CLTCL1: variants seen among roughly 807,000 people sequenced by gnomAD.
The protein encoded by CLTCL1 is clathrin heavy chain like 1, also known as clathrin heavy chain 2.
Under a neutral mutation model 190.0 loss-of-function variants are expected in CLTCL1, and 159 were observed. The ratio of observed to expected loss-of-function variants is 0.84; its 90% CI spans 0.74 to 0.95. CLTCL1 has a LOEUF of 0.95. Among genes scored for constraint, CLTCL1 ranks in the 40% least tolerant of loss-of-function variants. The pLI, the probability that CLTCL1 is intolerant of heterozygous loss-of-function variation, is 0.00. For synonymous variants in CLTCL1, 752 were observed against 769.6 expected (o/e 0.98, Z 0.38); for missense variants, 1,878 against 2,033.4 (o/e 0.92, Z 1.47).
At chr22:19,265,373 T>G (rs1555977429) in intron 2 of CLTCL1, among the ~76,000 whole-genome samples, 1 of 152,182 alleles carries the variant, frequency 6.6e-6, no homozygotes, top group Non-Finnish European at 1.5e-5. Context: ...CAAAAAGAAA[T>G]AAAGAGCACT....
intron 13 of CLTCL1, among the ~76,000 whole-genome samples, chr22:19,224,961 G>C (rs983342011): frequency 2.6e-5 from 4 of 152,090 alleles, no homozygotes. Flanking sequence ...CACTTTTTTG[G>C]TGTGATGTCC....
intron 22 of CLTCL1, among the ~76,000 whole-genome samples, chr22:19,205,986 G>A (rs1189235437): frequency 6.6e-6 from 1 of 151,364 alleles, no homozygotes; most frequent in African/African-American, 2.4e-5. Flanking sequence ...GAGTGCAGTG[G>A]CACAATCACA....
At chr22:19,251,506 G>A (rs545764920) in intron 3 of CLTCL1, among the ~76,000 whole-genome samples, 7 of 152,242 alleles carry the variant, frequency 4.6e-5, no homozygotes, top group Admixed American at 3.9e-4. Flanking sequence ...TGCCCAGGCC[G>A]GACTGTGGTG....
intron 10 of CLTCL1, among the ~76,000 whole-genome samples, chr22:19,230,332 G>A (rs1026042014): frequency 8.5e-5 from 13 of 152,182 alleles, no homozygotes; most frequent in Admixed American, 2.0e-4. Context: ...TCGAACTCCC[G>A]ACTTCAGGTG....
chr22:19,261,481 T>C (rs144919401), intron 2 of CLTCL1, among the ~76,000 whole-genome samples: 317 of 152,264 alleles, frequency 2.1e-3, no homozygotes, highest in African/African-American at 7.3e-3. Context: ...CGAAGTAAAT[T>C]GATAACCTCC....
chr22:19,220,325 C>T (rs1439581151), intron 17 of CLTCL1, among the ~76,000 whole-genome samples: 3 of 152,224 alleles, frequency 2.0e-5, no homozygotes, highest in African/African-American at 7.2e-5. Context: ...CCATGGGAGG[C>T]TACTGAGCCC....
intron 4 of CLTCL1, among the ~76,000 whole-genome samples, chr22:19,240,132 T>G (rs2145933651): frequency 6.6e-6 from 1 of 151,794 alleles, no homozygotes; most frequent in Non-Finnish European, 1.5e-5. Context: ...AACTTTGTAT[T>G]TTTAGTAGAG....
rs2084785863 is a variant in CLTCL1, at chr22:19,198,702, C to T, written c.3873+1032G>A. ...TCCAGGCACTCCTATGCCCTCAAAC[C>T]GGCTCCATTTTCCTCTATAACTGAT... On this transcript the variant is annotated intron_variant, in intron 24 of 32. Transcript: ENST00000427926. This position sits in a 1 kb window ranked among gnomAD's most constrained non-coding sequence, Gnocchi z 4.1. 6.6e-6 allele frequency among the ~76,000 whole-genome samples: 1 copy of T among 152,174 alleles called. No individual in the cohort carries two copies. Among genetic ancestry groups the T allele is most frequent in the Non-Finnish European group, 1.5e-5 (1 of 68,036 alleles).
intron 11 of CLTCL1, 130 bp from the exon 12 acceptor site, chr22:19,226,513 T>A: frequency 1.0e-6 from 1 of 980,534 alleles, no homozygotes; most frequent in Non-Finnish European, 1.5e-6. Context: ...TCCACATCCA[T>A]ACCTCTGTGG....
intron 4 of CLTCL1, among the ~76,000 whole-genome samples, chr22:19,240,314 C>T (rs1364143386): frequency 6.6e-6 from 1 of 152,006 alleles, no homozygotes; most frequent in Non-Finnish European, 1.5e-5. Flanking sequence ...AAGTCCACAA[C>T]AAAATCCAAA....
At chr22:19,290,468 C>G (rs1327126712) in intron 1 of CLTCL1, among the ~76,000 whole-genome samples, 1 of 152,134 alleles carries the variant, frequency 6.6e-6, no homozygotes, top group Non-Finnish European at 1.5e-5. Flanking sequence ...ATTTTGCTAC[C>G]TCAACATGAC....
At chr22:19,219,332 A>C (rs1308836603) in intron 18 of CLTCL1, among the ~76,000 whole-genome samples, 1 of 144,070 alleles carries the variant, frequency 6.9e-6, no homozygotes, top group African/African-American at 2.6e-5. Context: ...TGGGATTACA[A>C]GCATGCGCCA....
chr22:19,214,780 A>G (rs1381665683), intron 19 of CLTCL1, among the ~76,000 whole-genome samples: 1 of 151,086 alleles, frequency 6.6e-6, no homozygotes, highest in Non-Finnish European at 1.5e-5. Flanking sequence ...TCCCAGACTC[A>G]AGCGATTCTC....
At chr22:19,199,072 G>A (rs1262947507) in intron 24 of CLTCL1, among the ~76,000 whole-genome samples, 1 of 152,158 alleles carries the variant, frequency 6.6e-6, no homozygotes, top group Non-Finnish European at 1.5e-5. Flanking sequence ...CACATAGTGA[G>A]GGGTTTGGGG....
At chr22:19,208,865 T>G in intron 21 of CLTCL1, 57 bp downstream of exon 21, 1 of 1,399,268 alleles carries the variant, frequency 7.1e-7, no homozygotes. Flanking sequence ...ACTTCTTGCT[T>G]CAGCCAGGTT....
intron 2 of CLTCL1, among the ~76,000 whole-genome samples, chr22:19,272,739 T>A (rs542067370): frequency 6.6e-6 from 1 of 152,190 alleles, no homozygotes. Flanking sequence ...CCCAAAGTGT[T>A]GGGATTACAG....
chr22:19,236,006 C>G, intron 5 of CLTCL1, 137 bp from the exon 6 acceptor site: 1 of 784,888 alleles, frequency 1.3e-6, no homozygotes, highest in East Asian at 2.8e-5. Context: ...GTCACCCAGG[C>G]TGGAGTGTAG....
chr22:19,201,706 C>G (rs2084893147), intron 22 of CLTCL1, among the ~76,000 whole-genome samples: 1 of 152,082 alleles, frequency 6.6e-6, no homozygotes, highest in South Asian at 2.1e-4. Flanking sequence ...CCTGCCCGCT[C>G]CTATCTAACC....
intron 18 of CLTCL1, among the ~76,000 whole-genome samples, chr22:19,219,249 G>A (rs139539684): frequency 2.6e-3 from 381 of 144,924 alleles, no homozygotes; most frequent in African/African-American, 7.9e-3. Context: ...GTGCAGTGGC[G>A]TGCAGTCTCG....
Sources: allele counts gnomAD v4.1 joint callset (sites outside exome capture counted in the v4.1 genomes callset), GRCh38; gene constraint gnomAD v4.1.1; non-coding constraint Gnocchi (gnomAD v3.1); transcripts MANE v1.5; gene names NCBI Gene and HGNC (gene_info 2026-07-23, HGNC 2026-07-21).